Variants in NCBP2 observed in about 807,000 individuals in gnomAD.
NCBP2 encodes the protein nuclear cap-binding protein subunit 2.
A neutral mutation model predicts 21.5 loss-of-function variants in NCBP2; 8 were observed. The ratio of observed to expected loss-of-function variants is 0.37; its 90% CI spans 0.22 to 0.67. The LOEUF (loss-of-function observed/expected upper bound fraction) is 0.67, where lower values mean the gene tolerates loss of function less well. Among genes scored for constraint, NCBP2 ranks in the 30% least tolerant of loss-of-function variants. The probability of loss-of-function intolerance (pLI) is 0.56; values close to 1 mark genes in which losing one functional copy is unlikely to be tolerated. For synonymous variants in NCBP2, 92 were observed against 75.8 expected (o/e 1.21, Z -1.11); for missense variants, 127 against 206.9 (o/e 0.61, Z 2.37).
chr3:196,941,949 G>T, intron 1 of NCBP2: 1 of 1,536,338 alleles, frequency 6.5e-7, no homozygotes, highest in Non-Finnish European at 8.7e-7. Flanking sequence ...TACAGCTTCC[G>T]TAACACCATC....
Position 196,942,456 on chromosome 3 carries a change from C to G in NCBP2, c.48G>C (p.Glu16Asp). 6.2e-7 allele frequency: 1 copy of G among 1,613,322 alleles called. No individual in the cohort carries two copies. Among genetic ancestry groups the G allele is most frequent in the Non-Finnish European group, 8.5e-7 (1 of 1,179,936 alleles). Residue 16 changes from glutamate (E) to aspartate (D), a missense_variant, in exon 1 of 4, where the codon GAG becomes GAC. By Grantham distance (45) the Glu-to-Asp change is conservative (BLOSUM62 2). Transcript: ENST00000321256. The stretch of plus-strand genomic sequence containing the variant: ...AGTGCTGGTCCCGGTACTGGCTCAG[C>G]TCCACGTAGGAGTCGCTGCGCAGCG... ...LKALRSDSYV[E>D]LSQYRDQHFR... is the part of the protein sequence containing the mutation.
chr3:196,937,649 CTTAAGTA>C lies in NCBP2; in HGVS notation c.261-8_261-2del, dbSNP rs745421347. 9 of 1,613,946 alleles carry C rather than the reference CTTAAGTA, an allele frequency of 5.6e-6. No individual in the cohort carries two copies. Among genetic ancestry groups the C allele is most frequent in the East Asian group, 2.2e-5 (1 of 44,890 alleles). On this transcript the variant is annotated splice_acceptor_variant and splice_polypyrimidine_tract_variant and intron_variant, in intron 2 of 3. Transcript: ENST00000321256. LOFTEE classifies it high-confidence loss of function. ...TTCCGCATCTGCGCGTGAGTAATAT[CTTAAGTA>C]TTAAGGAACACTAGCATTTTTCCAA...
chr3:196,939,357 T>G lies in NCBP2; in HGVS notation c.154A>C (p.Thr52Pro), dbSNP rs766744099. The G allele has an allele frequency of 6.2e-7, 1 of 1,613,054 alleles. No homozygotes were observed. The highest frequency in any genetic ancestry group is 8.5e-7 in the Non-Finnish European group (1 of 1,179,012). The change falls in exon 2 of 4, where the codon ACT becomes CCT. Residue 52 changes from threonine to proline, a missense_variant. By Grantham distance (38) the Thr-to-Pro change is conservative (BLOSUM62 -1). Coordinates refer to ENST00000321256, the MANE Select transcript of NCBP2 (RefSeq NM_007362.5). ...LYVGNLSFYT[T>P]EEQIYELFSK... ...AAGAGTTCATAGATTTGTTCTTCAG[T>G]TGTGTAAAAAGAAAGATTTCCAACA...
intron 2 of NCBP2, chr3:196,938,335 G>A (rs1436711942): frequency 6.6e-6 from 1 of 152,140 alleles, no homozygotes; most frequent in Admixed American, 6.5e-5. Flanking sequence ...CCTTAATTAT[G>A]AGCAGAAATC....
chr3:196,937,719 C>T (rs553979130), intron 2 of NCBP2, 71 bp from the exon 3 acceptor site: 10 of 1,574,224 alleles, frequency 6.4e-6, no homozygotes, highest in South Asian at 1.1e-5. Flanking sequence ...GTAAATGAAG[C>T]TGAGTTGTTA....
chr3:196,941,103 ATTTT>A (rs71161977), intron 1 of NCBP2: 12 of 148,760 alleles, frequency 8.1e-5, no homozygotes, highest in African/African-American at 2.5e-4. Flanking sequence ...AACTGAATAA[ATTTT>A]TTTTTTTTGA....
intron 1 of NCBP2, chr3:196,941,986 G>A (rs1216907784): frequency 5.2e-6 from 8 of 1,536,272 alleles, no homozygotes; most frequent in Non-Finnish European, 7.0e-6. Flanking sequence ...CCGAATCGCC[G>A]AAGGGCACTG....
intron 1 of NCBP2, 39 bp downstream of exon 1, chr3:196,942,387 G>A: frequency 1.2e-6 from 2 of 1,603,168 alleles, no homozygotes; most frequent in South Asian, 1.1e-5. Flanking sequence ...CAGCGTTCTT[G>A]CCCAGGGCCT....
chr3:196,942,353 A>T (rs1054109373), intron 1 of NCBP2, 73 bp downstream of exon 1: 27 of 1,563,482 alleles, frequency 1.7e-5, no homozygotes, highest in Non-Finnish European at 2.3e-5. Context: ...AGGCGACACA[A>T]TGAGACAAGA....
chr3:196,939,167 G>C (rs1436147710), intron 2 of NCBP2, 84 bp downstream of exon 2: 1 of 1,238,674 alleles, frequency 8.1e-7, no homozygotes, highest in African/African-American at 1.5e-5. Context: ...GGAAAACGTA[G>C]GGACGAGTGC....
intron 1 of NCBP2, 93 bp from the exon 2 acceptor site, chr3:196,939,525 T>C: frequency 9.8e-7 from 1 of 1,025,124 alleles, no homozygotes; most frequent in Non-Finnish European, 1.4e-6. Flanking sequence ...TTAATTCTGG[T>C]TTGGAAATCA....
At chr3:196,939,164 G>T (rs749157066) in intron 2 of NCBP2, 87 bp downstream of exon 2, 3 of 1,208,534 alleles carry the variant, frequency 2.5e-6, no homozygotes, top group Non-Finnish European at 3.6e-6. Flanking sequence ...GAAGGAAAAC[G>T]TAGGGACGAG....
intron 1 of NCBP2, chr3:196,941,930 C>A (rs768075043): frequency 6.5e-7 from 1 of 1,536,294 alleles, no homozygotes; most frequent in South Asian, 1.2e-5. Context: ...GTGTCTCCCA[C>A]GCACCGCGTA....
Position 196,939,440 on chromosome 3 carries a change from T to A in NCBP2, c.79-8A>T, listed in dbSNP as rs374144122. 5.4e-5 allele frequency: 85 copies of A among 1,587,054 alleles called. No homozygotes were observed. In the African/African-American group the frequency reaches 1.0e-3, roughly 19 times the overall value. On this transcript the variant is annotated splice_region_variant and splice_polypyrimidine_tract_variant and intron_variant, in intron 1 of 3. Transcript: ENST00000321256. ...TTGTTCTTCATTGTCACCCTAGAAT[T>A]TCAAATAGAGACAAAAGTTAAGCAA...
At chr3:196,941,935 C>G (rs1201905646) in intron 1 of NCBP2, 1 of 1,536,286 alleles carries the variant, frequency 6.5e-7, no homozygotes, top group African/African-American at 1.4e-5. Flanking sequence ...TCCCACGCAC[C>G]GCGTACAGCT....
At chr3:196,938,974 G>A (rs1443034539) in intron 2 of NCBP2, 8 of 355,494 alleles carry the variant, frequency 2.3e-5, no homozygotes, top group Non-Finnish European at 4.1e-5. Flanking sequence ...AGAACAGTAC[G>A]AGATTTTTAT....
chr3:196,937,873 C>G (rs41292037), intron 2 of NCBP2: 25 of 543,626 alleles, frequency 4.6e-5, no homozygotes, highest in Non-Finnish European at 7.2e-5. Context: ...CTTGGACATT[C>G]CTGTTGATAA....
chr3:196,941,699 C>T, intron 1 of NCBP2: 1 of 526,084 alleles, frequency 1.9e-6, no homozygotes, highest in Non-Finnish European at 3.4e-6. Context: ...CAACCGTATT[C>T]CATCCCTACC....
At position 196,937,188 on chromosome 3, in the gene NCBP2, A is replaced by G. The variant is rs143061289; in HGVS notation, c.400-106T>C. On this transcript the variant is annotated intron_variant, in intron 3 of 3. Transcript: ENST00000321256. The stretch of plus-strand genomic sequence containing the variant: ...CAGTGAAACCTGTTCAGATGCCACA[A>G]TGTGAACATTTCAAGCAGGACATAT... 4,246 of 1,105,966 alleles carry G rather than the reference A, an allele frequency of 3.8e-3. 47 individuals are homozygous for G. Among genetic ancestry groups the G allele is most frequent in the African/African-American group, 0.031 (1,994 of 65,178 alleles). The allele number at this position is 1,105,966 out of a possible 1,614,324, so 68.5% of individuals were successfully genotyped here.
Sources: gnomAD v4.1 joint callset for allele counts on GRCh38, gnomAD v4.1.1 for gene constraint, MANE v1.5 for transcripts, NCBI Gene and HGNC (gene_info 2026-07-23, HGNC 2026-07-21) for gene names.